Variants in CGN observed in about 807,000 individuals in gnomAD.
CGN encodes cingulin.
A neutral mutation model predicts 157.1 loss-of-function variants in CGN; 121 were observed. The ratio of observed to expected loss-of-function variants is 0.77; its 90% confidence interval spans 0.66 to 0.90. The LOEUF is 0.90. Ranked by LOEUF, CGN falls within the 40% of genes least tolerant of loss-of-function variation. The pLI, the probability that CGN is intolerant of heterozygous loss-of-function variation, is 0.00. For missense variants in CGN, 1,424 were observed against 1,520.9 expected, an observed-to-expected ratio of 0.94 and a Z score of 1.06; for synonymous variants, 535 against 607.5, an observed-to-expected ratio of 0.88 and a Z score of 1.76.
chr1:151,537,192 C>T lies in CGN; in HGVS notation c.3471-13C>T. 3 of 1,607,834 alleles carry T rather than the reference C, an allele frequency of 1.9e-6. No individual in the cohort carries two copies. The highest frequency in any genetic ancestry group is 1.7e-6 in the Non-Finnish European group (2 of 1,177,210). ...TTTCCCCTCCCCAACCATTATTCTT[C>T]TCTCTGAGTCAGGCGCAAAGCTTCC... is the stretch of plus-strand genomic sequence containing the variant. On this transcript the variant is annotated splice_polypyrimidine_tract_variant and intron_variant, in intron 20 of 20. Transcript: ENST00000271636.
chr1:151,526,991 A>G lies in CGN; in HGVS notation c.1780A>G (p.Met594Val), dbSNP rs1368249273. The change falls in exon 10 of 21, where the codon ATG becomes GTG. Residue 594 changes from methionine to valine, a missense_variant. Transcript: ENST00000271636. ...ATKQELLQLR[M>V]EKEEMEEELG... ...CTGGCTCAGACTCCTGCAGCTGCGA[A>G]TGGAGAAGGAGGAGATGGAAGAGGA... is the stretch of plus-strand genomic sequence containing the variant. 2.5e-6 allele frequency: 4 copies of G among 1,613,926 alleles called. No homozygotes were observed. In the African/African-American group the frequency reaches 5.3e-5, roughly 22 times the overall value.
intron 8 of CGN, 92 bp from the exon 9 acceptor site, chr1:151,525,550 G>T (rs530137109): frequency 1.8e-6 from 2 of 1,090,556 alleles, no homozygotes; most frequent in East Asian, 3.0e-5. Context: ...GTGCCCTCTG[G>T]GTCTAAGCCT....
intron 6 of CGN, among the ~76,000 whole-genome samples, chr1:151,523,819 A>C (rs1664599509): frequency 6.6e-6 from 1 of 152,216 alleles, no homozygotes; most frequent in African/African-American, 2.4e-5. Context: ...AGACTTAATA[A>C]TAGTACCTAC....
Position 151,524,351 on chromosome 1 carries a change from T to C in CGN, c.1394T>C (p.Leu465Ser). 2 of 1,614,012 alleles carry C rather than the reference T, an allele frequency of 1.2e-6. No individual in the cohort carries two copies. The highest frequency in any genetic ancestry group is 1.7e-6 in the Non-Finnish European group (2 of 1,179,968). ...GGTCCTGAGCCTGCTAAGGAGGTGT[T>C]ACTGAAGGTAGGGTCTGGGGTCATA... ...VQGPEPAKEV[L>S]LKDLLETREL... Residue 465 changes from leucine to serine, a missense_variant, in exon 7 of 21, where the codon TTA (leucine) becomes TCA (serine). Physicochemically the swap from Leu to Ser is moderately radical, Grantham distance 145. This residue lies in a region of CGN where 1,187 missense variants were observed against 1,217.6 expected (regional missense o/e 0.97). Transcript: ENST00000271636. The surrounding 1 kb of genome is among the most constrained non-coding windows in gnomAD (Gnocchi z 4.4).
At position 151,527,031 on chromosome 1, in the gene CGN, T is replaced by A; in HGVS notation, c.1820T>A (p.Ile607Lys). ...ATGGAAGAGGAGCTTGGAGAGAAGA[T>A]AGAGGTCTTGCAGAGGGAATTAGAG... ...EEMEEELGEK[I>K]EVLQRELEQA... Residue 607 changes from isoleucine (I) to lysine (K), a missense_variant, in exon 10 of 21, where the codon ATA becomes AAA. This residue lies in a region of CGN where 1,187 missense variants were observed against 1,217.6 expected (regional missense o/e 0.97). Coordinates refer to ENST00000271636, the MANE Select transcript of CGN (RefSeq NM_020770.3). The A allele has an allele frequency of 6.2e-7, 1 of 1,614,058 alleles. No homozygotes were observed. Among genetic ancestry groups the A allele is most frequent in the Non-Finnish European group, 8.5e-7 (1 of 1,180,000 alleles).
chr1:151,527,950 A>AT (rs374689451), intron 10 of CGN: 1,843 of 81,432 alleles, frequency 0.023, 143 homozygotes, highest in African/African-American at 0.042. Flanking sequence ...ATATATATAT[A>AT]TTTTTTTTTT....
intron 10 of CGN, among the ~76,000 whole-genome samples, chr1:151,528,482 A>G (rs1664751363): frequency 6.6e-6 from 1 of 151,506 alleles, no homozygotes; most frequent in East Asian, 2.0e-4. Flanking sequence ...CAGTGGCACA[A>G]TCTCGGCTCA....
intron 10 of CGN, 135 bp downstream of exon 10, chr1:151,527,242 T>C: frequency 1.1e-6 from 1 of 929,042 alleles, no homozygotes; most frequent in Non-Finnish European, 1.7e-6. Flanking sequence ...CTGCTCAGCT[T>C]GATCTCTTTC....
At chr1:151,537,092 T>C in intron 20 of CGN, 113 bp from the exon 21 acceptor site, 1 of 1,328,350 alleles carries the variant, frequency 7.5e-7, no homozygotes, top group Non-Finnish European at 1.0e-6. Flanking sequence ...TTGGGGATTT[T>C]GTGAATAAAC....
intron 10 of CGN, among the ~76,000 whole-genome samples, chr1:151,528,924 T>G (rs893592608): frequency 2.6e-5 from 4 of 152,210 alleles, no homozygotes; most frequent in African/African-American, 9.7e-5. Context: ...GGGTCTGGCT[T>G]CTTTCACCTA....
At chr1:151,523,291 T>C (rs938818259) in intron 5 of CGN, 143 bp from the exon 6 acceptor site, 5 of 598,900 alleles carry the variant, frequency 8.3e-6, no homozygotes, top group Non-Finnish European at 1.4e-5. Context: ...GAGGATTAGA[T>C]GTGGATAATA....
At chr1:151,519,745 G>A (rs180977775) in intron 2 of CGN, among the ~76,000 whole-genome samples, 42 of 152,308 alleles carry the variant, frequency 2.8e-4, no homozygotes, top group Admixed American at 2.2e-3. Flanking sequence ...TGGTGCTCTT[G>A]CCAAAATTCC....
chr1:151,530,823 G>C, intron 13 of CGN, 77 bp downstream of exon 13: 1 of 1,451,030 alleles, frequency 6.9e-7, no homozygotes, highest in Admixed American at 2.0e-5. Flanking sequence ...ACAGGGGCTT[G>C]GGGGAGAGGG....
At chr1:151,520,758 G>A (rs1328159785) in intron 5 of CGN, 67 bp downstream of exon 5, 1 of 1,295,648 alleles carries the variant, frequency 7.7e-7, no homozygotes, top group African/African-American at 1.5e-5. Flanking sequence ...CCTGGAGATG[G>A]GCTGAGCTGA....
intron 10 of CGN, 109 bp from the exon 11 acceptor site, chr1:151,529,241 C>A (rs1664769957): frequency 8.1e-6 from 7 of 863,122 alleles, no homozygotes; most frequent in Admixed American, 4.9e-5. Flanking sequence ...TCCAAAGTGG[C>A]CACATCAGTT....
chr1:151,529,510 TACAAA>T lies in CGN; in HGVS notation c.2059_2063del (p.Gln687AspfsTer10), dbSNP rs1434036736. On this transcript the variant is annotated frameshift_variant, in exon 11 of 21. Transcript: ENST00000271636. LOFTEE classifies it high-confidence loss of function. Reference sequence around the variant, plus strand: ...GAGCTGGAAGAACAGAACCTCCAGCTACAAAAGACCCTCCAGCAACTGCGACAGGA... The same window carrying T: ...GAGCTGGAAGAACAGAACCTCCAGCTAGACCCTCCAGCAACTGCGACAGGA... 5.0e-6 allele frequency: 8 copies of T among 1,613,562 alleles called. No individual in the cohort carries two copies. The highest frequency in any genetic ancestry group is 6.8e-6 in the Non-Finnish European group (8 of 1,179,954).
chr1:151,513,052 C>G (rs1664335533), intron 1 of CGN, among the ~76,000 whole-genome samples: 3 of 152,188 alleles, frequency 2.0e-5, no homozygotes, highest in South Asian at 4.1e-4. Context: ...GTCTCCCTGT[C>G]ACATACTGGC....
At chr1:151,525,524 G>C (rs951912868) in intron 8 of CGN, 118 bp from the exon 9 acceptor site, 5 of 656,264 alleles carry the variant, frequency 7.6e-6, no homozygotes, top group Non-Finnish European at 1.2e-5. Flanking sequence ...GAGTGTCAGG[G>C]GGTGCACCTG....
At chr1:151,516,837 C>T (rs185978454) in intron 1 of CGN, among the ~76,000 whole-genome samples, 178 of 151,582 alleles carry the variant, frequency 1.2e-3, no homozygotes, top group African/African-American at 4.0e-3. Context: ...CCACCATGCC[C>T]GGCCGAGTGG....
Sources: allele counts gnomAD v4.1 joint callset (sites outside exome capture counted in the v4.1 genomes callset), GRCh38; gene constraint gnomAD v4.1.1; regional missense constraint gnomAD v4.1.1; non-coding constraint Gnocchi (gnomAD v3.1); transcripts MANE v1.5; gene names NCBI Gene and HGNC (gene_info 2026-07-23, HGNC 2026-07-21).